Variants in LYST observed in about 807,000 individuals in gnomAD.
LYST encodes the protein lysosomal-trafficking regulator.
LYST carries 192 observed loss-of-function variants against 413.6 expected under a neutral mutation model. The ratio of observed to expected loss-of-function variants is 0.46; its 90% CI spans 0.41 to 0.52. The LOEUF is 0.52. Among genes scored for constraint, LYST ranks in the 20% least tolerant of loss-of-function variants. The probability of loss-of-function intolerance (pLI) is 0.00; values close to 1 mark genes in which losing one functional copy is unlikely to be tolerated. For missense variants in LYST, 3,815 were observed against 4,499.9 expected, an observed-to-expected ratio of 0.85 and a Z score of 4.35; for synonymous variants, 1,525 against 1,567.3, an observed-to-expected ratio of 0.97 and a Z score of 0.64.
At chr1:235,678,781 A>G (rs2103039149) in intron 48 of LYST, among the ~76,000 whole-genome samples, 1 of 152,228 alleles carries the variant, frequency 6.6e-6, no homozygotes, top group Non-Finnish European at 1.5e-5. Flanking sequence ...TTATACTCCT[A>G]TGTAAGTTTT....
At chr1:235,742,914 GACT>G (rs1665561459) in intron 30 of LYST, among the ~76,000 whole-genome samples, 1 of 152,060 alleles carries the variant, frequency 6.6e-6, no homozygotes, top group African/African-American at 2.4e-5. Context: ...AAAAGGGAGA[GACT>G]ACATTTACGT....
At chr1:235,863,100 A>C (rs1346574952) in intron 1 of LYST, among the ~76,000 whole-genome samples, 1 of 152,206 alleles carries the variant, frequency 6.6e-6, no homozygotes, top group Middle Eastern at 3.4e-3. Context: ...CTTAAAAAAA[A>C]TCTTGAACTT....
At chr1:235,877,692 C>T (rs554688237) in intron 1 of LYST, among the ~76,000 whole-genome samples, 12 of 152,222 alleles carry the variant, frequency 7.9e-5, no homozygotes, top group African/African-American at 2.9e-4. Context: ...AAGCGTGAGC[C>T]ACCGCGCCTG....
intron 30 of LYST, among the ~76,000 whole-genome samples, chr1:235,742,200 AT>A (rs537643805): frequency 3.4e-4 from 51 of 152,100 alleles, no homozygotes; most frequent in Non-Finnish European, 6.2e-4. Context: ...CACACGTGTA[AT>A]TCCAGCACTT....
chr1:235,711,917 T>C (rs1572049117), intron 43 of LYST, 140 bp downstream of exon 43: 7 of 573,816 alleles, frequency 1.2e-5, no homozygotes, highest in Non-Finnish European at 6.0e-6. Flanking sequence ...AATAGAATTA[T>C]ATACTTAATA....
At chr1:235,711,013 A>G (rs182918998) in intron 43 of LYST, among the ~76,000 whole-genome samples, 17 of 152,212 alleles carry the variant, frequency 1.1e-4, no homozygotes, top group Non-Finnish European at 2.4e-4. Flanking sequence ...CAACAGCATG[A>G]GACACCCTGA....
chr1:235,840,803 T>C (rs1677117628), intron 1 of LYST, among the ~76,000 whole-genome samples: 2 of 152,064 alleles, frequency 1.3e-5, no homozygotes, highest in African/African-American at 4.8e-5. Flanking sequence ...TCCAAGCAAA[T>C]GGTAAGGATA....
At chr1:235,871,262 A>G (rs1234028165), upstream of LYST, among the ~76,000 whole-genome samples, 1 of 152,244 alleles carries the variant, frequency 6.6e-6, no homozygotes, top group East Asian at 1.9e-4. Context: ...TAAATCACCA[A>G]TAGCATTTGA....
chr1:235,849,683 A>G (rs1678296275), intron 1 of LYST, among the ~76,000 whole-genome samples: 1 of 151,612 alleles, frequency 6.6e-6, no homozygotes, highest in South Asian at 2.1e-4. Flanking sequence ...TGGATACAAG[A>G]TTAATGTACA....
At position 235,689,731 on chromosome 1, in the gene LYST, A is replaced by G. The variant is rs34305450; in HGVS notation, c.10702-2684T>C. On this transcript the variant is annotated intron_variant, in intron 47 of 52. Coordinates refer to ENST00000389793, the MANE Select transcript of LYST (RefSeq NM_000081.4). ...GCCTGACTGTAGTAATCATTTCACA[A>G]TGTATATATACATGTATTAAAACAT... 3.1e-3 allele frequency among the ~76,000 whole-genome samples: 467 copies of G among 152,360 alleles called. 1 individual carries two copies. Among genetic ancestry groups the G allele is most frequent in the Non-Finnish European group, 3.2e-3 (218 of 68,036 alleles).
rs1373705285 is a variant in LYST at position 235,809,659 on chromosome 1, C to T, written c.1159G>A (p.Glu387Lys). 1.2e-6 allele frequency: 2 copies of T among 1,613,908 alleles called. No individual in the cohort carries two copies. The highest frequency in any genetic ancestry group is 2.7e-5 in the African/African-American group (2 of 74,864). ...RQKKTLQEVQ[E>K]DFVFSKYRHR... ...CGATACTTTGAAAACACAAAATCTT[C>T]CTGAACCTCCTGCAGTGTTTTCTTT... Residue 387 changes from glutamate to lysine, a missense_variant, in exon 5 of 53, where the codon GAA (glutamate) becomes AAA (lysine). Coordinates refer to ENST00000389793, the MANE Select transcript of LYST (RefSeq NM_000081.4). The surrounding 1 kb of genome is among the most constrained non-coding windows in gnomAD (Gnocchi z 4.0).
chr1:235,716,257 A>G (rs533163895), intron 41 of LYST, among the ~76,000 whole-genome samples: 3 of 152,354 alleles, frequency 2.0e-5, no homozygotes, highest in Non-Finnish European at 2.9e-5. Context: ...TTCACAGAAA[A>G]AGGTAATTCA....
chr1:235,847,821 CT>C (rs1219364638), intron 1 of LYST, among the ~76,000 whole-genome samples: 1 of 152,140 alleles, frequency 6.6e-6, no homozygotes. Flanking sequence ...GGTAAAAGGC[CT>C]TGTCCAACAG....
At chr1:235,715,110 G>T in intron 42 of LYST, 91 bp downstream of exon 42, 1 of 1,143,100 alleles carries the variant, frequency 8.7e-7, no homozygotes. Context: ...AGTCTTAATA[G>T]TTCTTAAAAT....
intron 1 of LYST, among the ~76,000 whole-genome samples, chr1:235,855,176 CTAGA>C (rs944632632): frequency 2.6e-5 from 4 of 152,120 alleles, no homozygotes; most frequent in African/African-American, 9.7e-5. Context: ...TCTTTTAAAA[CTAGA>C]TTATACTTTT....
At chr1:235,795,310 T>C (rs1009302236) in intron 10 of LYST, among the ~76,000 whole-genome samples, 6 of 152,192 alleles carry the variant, frequency 3.9e-5, no homozygotes, top group Non-Finnish European at 8.8e-5. Context: ...GTCAGGTGTA[T>C]ACAGGCTTTT....
At chr1:235,771,623 A>G (rs140302363) in intron 19 of LYST, among the ~76,000 whole-genome samples, 3 of 152,088 alleles carry the variant, frequency 2.0e-5, no homozygotes, top group African/African-American at 7.2e-5. Context: ...CTGAAAGTAT[A>G]TATTTATTCA....
intron 12 of LYST, 198 bp downstream of exon 12, chr1:235,791,500 TA>T (rs1670986983): frequency 1.0e-5 from 6 of 572,562 alleles, no homozygotes; most frequent in Non-Finnish European, 1.9e-5. Flanking sequence ...TATAAAAAAC[TA>T]AAGTTTCCGT....
In LYST at chr1:235,808,724, G is replaced by A. The variant is rs1673134378; in HGVS notation, c.2094C>T (p.Asn698=). Residue 698 remains asparagine (N), a synonymous_variant, in exon 5 of 53, where the codon AAC becomes AAT. Transcript: ENST00000389793. ...GTAATCTGTCTTCTTCAAAAACAAA[G>A]TTCTGATAAGCCTTTAAAGCATCCC... ...WKWDALKAYQ[N]FVFEEDRLHS... is the part of the protein sequence containing the mutation. 1 of 1,613,832 alleles carries A rather than the reference G, an allele frequency of 6.2e-7. No homozygotes were observed. The highest frequency in any genetic ancestry group is 1.7e-5 in the Admixed American group (1 of 59,950).
Sources: allele counts gnomAD v4.1 joint callset (sites outside exome capture counted in the v4.1 genomes callset), GRCh38; gene constraint gnomAD v4.1.1; non-coding constraint Gnocchi (gnomAD v3.1); transcripts MANE v1.5; gene names NCBI Gene and HGNC (gene_info 2026-07-23, HGNC 2026-07-21).